The following PRKAR2B variants were observed in gnomAD, a reference collection of about 807,000 sequenced individuals.
PRKAR2B encodes the protein cAMP-dependent protein kinase type II-beta regulatory subunit.
PRKAR2B carries 14 observed loss-of-function variants against 49.9 expected under a neutral mutation model. That is an observed-to-expected ratio of 0.28 (90% CI 0.19 to 0.44). The LOEUF is 0.44. PRKAR2B is among the 20% of genes least tolerant of loss of function. The probability of loss-of-function intolerance (pLI) is 1.00; values close to 1 mark genes in which losing one functional copy is unlikely to be tolerated. For missense variants in PRKAR2B, 393 were observed against 537.9 expected (o/e 0.73, Z 2.67); for synonymous variants, 196 against 197.7 (o/e 0.99, Z 0.07).
chr7:107,106,077 C>CA (rs1795064885), intron 2 of PRKAR2B, among the ~76,000 whole-genome samples: 1 of 152,158 alleles, frequency 6.6e-6, no homozygotes, highest in Non-Finnish European at 1.5e-5. Flanking sequence ...CTCACCCTTT[C>CA]GGGGAATCTG....
chr7:107,044,853 C>G lies in PRKAR2B; in HGVS notation c.-55C>G, dbSNP rs905863520. On this transcript the variant is annotated 5_prime_UTR_variant, in exon 1 of 11. Transcript: ENST00000265717. ...GCTCGGCAGCCGCGGGGCCCTAGGC[C>G]GTGCCGGGGAGGGGGCGAGGGCGGC... 16 of 1,486,262 alleles carry G rather than the reference C, an allele frequency of 1.1e-5. No homozygotes were observed. The highest frequency in any genetic ancestry group is 2.1e-5 in the Admixed American group (1 of 48,468). 92.1% of individuals were successfully genotyped at this position (1,486,262 alleles called of 1,614,324 possible).
At position 107,160,874 on chromosome 7, in the gene PRKAR2B, A is replaced by G. The variant is rs529188176; in HGVS notation, c.*1292A>G. ...GCTGCCACATAAGATGAATTTAATT[A>G]TATTCAACCAAAGCAATATACTCTT... On this transcript the variant is annotated 3_prime_UTR_variant, in exon 11 of 11. Transcript: ENST00000265717. 6.6e-6 allele frequency: 1 copy of G among 152,204 alleles called. No homozygotes were observed. The highest frequency in any genetic ancestry group is 1.5e-5 in the Non-Finnish European group (1 of 68,012). 9.4% of individuals were successfully genotyped at this position (152,204 alleles called of 1,614,324 possible).
chr7:107,151,917 T>C (rs750896319), intron 7 of PRKAR2B, among the ~76,000 whole-genome samples: 4 of 152,234 alleles, frequency 2.6e-5, no homozygotes, highest in African/African-American at 4.8e-5. Flanking sequence ...GTACTGTCCA[T>C]ATATTGATGC....
chr7:107,159,449 C>T lies in PRKAR2B; in HGVS notation c.1124C>T (p.Ala375Val), dbSNP rs749489513. 5.6e-6 allele frequency: 9 copies of T among 1,613,178 alleles called. No homozygotes were observed. In the South Asian group the frequency reaches 9.9e-5, roughly 18 times the overall value. ...AHAIGTVKCL[A>V]MDVQAFERLL... The stretch of plus-strand genomic sequence containing the variant: ...AAAAAAAAATCTTCTCTTTTCTCAG[C>T]AATGGATGTGCAAGCATTTGAAAGG... The change falls in exon 11 of 11, where the codon GCA becomes GTA. Residue 375 changes from alanine (A) to valine (V), a missense_variant and splice_region_variant. Transcript: ENST00000265717.
chr7:107,066,494 A>G (rs1477970148), intron 1 of PRKAR2B: 1 of 152,212 alleles, frequency 6.6e-6, no homozygotes, highest in Non-Finnish European at 1.5e-5. Flanking sequence ...TGGTAATATT[A>G]GTTTACACTA....
intron 2 of PRKAR2B, among the ~76,000 whole-genome samples, chr7:107,118,775 T>C (rs1204316660): frequency 2.0e-5 from 3 of 152,092 alleles, no homozygotes; most frequent in South Asian, 2.1e-4. Flanking sequence ...GGAAAGGAGA[T>C]TGGAGGGAGT....
At chr7:107,150,572 A>G (rs1795964870) in intron 6 of PRKAR2B, among the ~76,000 whole-genome samples, 2 of 56,462 alleles carry the variant, frequency 3.5e-5, no homozygotes, top group Non-Finnish European at 6.6e-5. Flanking sequence ...AGAGTACATA[A>G]CAGAGTAAAA....
At chr7:107,123,207 G>C (rs1224723735) in intron 3 of PRKAR2B, among the ~76,000 whole-genome samples, 1 of 152,144 alleles carries the variant, frequency 6.6e-6, no homozygotes, top group African/African-American at 2.4e-5. Flanking sequence ...CTAAATTAAT[G>C]AACATTTGCA....
intron 5 of PRKAR2B, among the ~76,000 whole-genome samples, chr7:107,143,061 C>G (rs1795817899): frequency 6.6e-6 from 1 of 152,188 alleles, no homozygotes; most frequent in Non-Finnish European, 1.5e-5. Context: ...GTGTGCCTGG[C>G]CTAGCCTGCG....
At chr7:107,045,382 T>G (rs1007050974) in intron 1 of PRKAR2B, among the ~76,000 whole-genome samples, 168 bp downstream of exon 1, 1 of 152,042 alleles carries the variant, frequency 6.6e-6, no homozygotes, top group Middle Eastern at 3.2e-3. Flanking sequence ...TTTCTGTCTC[T>G]CCCACTCGCC....
At chr7:107,065,182 A>T (rs1241051623) in intron 1 of PRKAR2B, among the ~76,000 whole-genome samples, 1 of 152,244 alleles carries the variant, frequency 6.6e-6, no homozygotes, top group Non-Finnish European at 1.5e-5. Flanking sequence ...TGCTAAAATT[A>T]TTCAGCTGAA....
In PRKAR2B at chr7:107,060,631, T is replaced by TCTTC. The variant is rs572483978; in HGVS notation, c.308-9630_308-9627dup. On this transcript the variant is annotated intron_variant, in intron 1 of 10. Coordinates refer to ENST00000265717, the MANE Select transcript of PRKAR2B (RefSeq NM_002736.3). ...CCTTCCCTCCCGCCCTCCCTTCCTCTCTTCCTTCCTTCCTTCCTTCCTTTA... is the reference window on the plus strand; with the variant it reads ...CCTTCCCTCCCGCCCTCCCTTCCTCTCTTCCTTCCTTCCTTCCTTCCTTCCTTTA... 2.5e-4 allele frequency among the ~76,000 whole-genome samples: 33 copies of TCTTC among 132,892 alleles called. 1 individual carries two copies. In the South Asian group the frequency reaches 3.7e-3, roughly 15 times the overall value. The allele number at this position is 132,892 out of a possible 152,430, so 87.2% of individuals were successfully genotyped here. A position where few individuals can be genotyped will look rare whatever the true frequency, so the allele number is the denominator to read the frequency against.
Position 107,157,145 on chromosome 7 carries a change from A to G in PRKAR2B, c.985-41A>G, listed in dbSNP as rs375843072. 2.5e-6 allele frequency: 4 copies of G among 1,607,912 alleles called. No homozygotes were observed. The East Asian group carries it at 6.7e-5, about 27-fold the overall frequency. ...TAGACTGAGGTTAATTTTATTTTTC[A>G]TAAGCTGAGGAAAAGCTCATCTTTT... On this transcript the variant is annotated intron_variant, in intron 9 of 10. Coordinates refer to ENST00000265717, the MANE Select transcript of PRKAR2B (RefSeq NM_002736.3).
At chr7:107,151,810 A>T (rs1795993604) in intron 7 of PRKAR2B, among the ~76,000 whole-genome samples, 1 of 152,218 alleles carries the variant, frequency 6.6e-6, no homozygotes, top group Non-Finnish European at 1.5e-5. Context: ...CTGGGAGAAG[A>T]TCGAAACTCA....
At chr7:107,147,679 C>G (rs1795917575) in intron 6 of PRKAR2B, among the ~76,000 whole-genome samples, 1 of 152,188 alleles carries the variant, frequency 6.6e-6, no homozygotes, top group South Asian at 2.1e-4. Flanking sequence ...GATGTCAGGC[C>G]AAACCTTAAA....
chr7:107,076,269 C>G (rs898500152), intron 2 of PRKAR2B, among the ~76,000 whole-genome samples: 1 of 152,116 alleles, frequency 6.6e-6, no homozygotes, highest in Non-Finnish European at 1.5e-5. Context: ...AACATCGATA[C>G]GATACTATTA....
intron 3 of PRKAR2B, among the ~76,000 whole-genome samples, chr7:107,127,784 A>G (rs529079704): frequency 6.6e-6 from 1 of 152,344 alleles, no homozygotes; most frequent in African/African-American, 2.4e-5. Context: ...TTACATCCTG[A>G]AAGAGTATTA....
At chr7:107,152,421 A>G (rs2115669632) in intron 7 of PRKAR2B, among the ~76,000 whole-genome samples, 1 of 152,316 alleles carries the variant, frequency 6.6e-6, no homozygotes, top group Non-Finnish European at 1.5e-5. Flanking sequence ...ACACAGCTGC[A>G]GGGCTCCTTC....
intron 1 of PRKAR2B, among the ~76,000 whole-genome samples, chr7:107,061,102 G>C (rs1236783794): frequency 6.6e-6 from 1 of 151,850 alleles, no homozygotes; most frequent in Non-Finnish European, 1.5e-5. Context: ...TATTGGGTTT[G>C]CTGTCCTTTC....
Sources: allele counts gnomAD v4.1 joint callset (sites outside exome capture counted in the v4.1 genomes callset), GRCh38; gene constraint gnomAD v4.1.1; transcripts MANE v1.5; gene names NCBI Gene and HGNC (gene_info 2026-07-23, HGNC 2026-07-21).